Variants in YBX3 observed in about 807,000 individuals in gnomAD.
YBX3 encodes the protein Y-box-binding protein 3.
A neutral mutation model predicts 42.4 loss-of-function variants in YBX3; 29 were observed. The observed-to-expected ratio is 0.68, with a 90% CI of 0.51 to 0.93. The LOEUF is 0.93. Ranked by LOEUF, YBX3 falls within the 40% of genes least tolerant of loss-of-function variation. The pLI is 0.00. For missense variants in YBX3, 517 were observed against 527.5 expected, an observed-to-expected ratio of 0.98 and a Z score of 0.19; for synonymous variants, 195 against 189.8, an observed-to-expected ratio of 1.03 and a Z score of -0.22.
Position 10,701,965 on chromosome 12 carries a change from T to C in YBX3, c.1048A>G (p.Lys350Glu), listed in dbSNP as rs931330932. ...CCCTGACTGGTTGGATTTACCTCTTTGCCATCTTGTGAAGGAGCGTTAGGA... is the reference window on the plus strand; with the variant it reads ...CCCTGACTGGTTGGATTTACCTCTTCGCCATCTTGTGAAGGAGCGTTAGGA... ...RPPNAPSQDG[K>E]EAKAGEAPTE... Residue 350 changes from lysine to glutamate, a missense_variant, in exon 8 of 10, where the codon AAA becomes GAA. Around this residue, in one of 3 missense-constraint regions of YBX3, gnomAD observed 420 missense variants for 408.5 expected, o/e 1.03. Transcript: ENST00000228251. 6.2e-7 allele frequency: 1 copy of C among 1,612,052 alleles called. No individual in the cohort carries two copies. The highest frequency in any genetic ancestry group is 1.3e-5 in the African/African-American group (1 of 74,864).
intron 3 of YBX3, chr12:10,716,089 T>A (rs1234173411): frequency 7.1e-6 from 2 of 283,360 alleles, no homozygotes; most frequent in African/African-American, 4.5e-5. Context: ...CCTGATCATA[T>A]CAGATGTATT....
intron 5 of YBX3, chr12:10,712,154 T>C (rs1034989460): frequency 2.6e-5 from 4 of 152,212 alleles, no homozygotes; most frequent in African/African-American, 7.2e-5. Context: ...AACATAAAGA[T>C]AGGTCATTCT....
chr12:10,702,892 TG>T (rs969205982), intron 7 of YBX3: 2 of 152,304 alleles, frequency 1.3e-5, no homozygotes, highest in African/African-American at 4.8e-5. Context: ...ATTCTGTGGA[TG>T]AGATTTATAA....
chr12:10,714,898 A>T (rs1381391685), intron 4 of YBX3, among the ~76,000 whole-genome samples: 1 of 151,756 alleles, frequency 6.6e-6, no homozygotes, highest in African/African-American at 2.4e-5. Flanking sequence ...GAATTACAGG[A>T]GTGCGACCAC....
intron 6 of YBX3, among the ~76,000 whole-genome samples, chr12:10,705,559 T>C (rs1427541145): frequency 6.6e-6 from 1 of 152,218 alleles, no homozygotes; most frequent in Admixed American, 6.5e-5. Context: ...TCAGGTGGCA[T>C]ATAGTTTCAA....
chr12:10,713,926 T>C (rs1948229398), intron 4 of YBX3, among the ~76,000 whole-genome samples: 3 of 152,226 alleles, frequency 2.0e-5, no homozygotes, highest in South Asian at 2.1e-4. Flanking sequence ...TATTCTCATA[T>C]GGACAAATGG....
At position 10,723,241 on chromosome 12, in the gene YBX3, G is replaced by A. The variant is rs1948357097; in HGVS notation, c.-130C>T. On this transcript the variant is annotated 5_prime_UTR_variant, in exon 1 of 10. Transcript: ENST00000228251. ...GGCGGATCTCGCGGCGCAGGCGGCG[G>A]CGGCCGAGGTGGGGTCGCGCGGCGG... is the stretch of plus-strand genomic sequence containing the variant. 8.6e-7 allele frequency: 1 copy of A among 1,167,576 alleles called. No individual in the cohort carries two copies. Among genetic ancestry groups the A allele is most frequent in the Non-Finnish European group, 1.1e-6 (1 of 946,102 alleles). The allele number at this position is 1,167,576 out of a possible 1,614,324, so 72.3% of individuals were successfully genotyped here. A position where few individuals can be genotyped will look rare whatever the true frequency, so the allele number is the denominator to read the frequency against.
chr12:10,723,292 G>T lies in YBX3; in HGVS notation c.-181C>A. 2.0e-6 allele frequency: 2 copies of T among 1,023,316 alleles called. No individual in the cohort carries two copies. The highest frequency in any genetic ancestry group is 2.5e-6 in the Non-Finnish European group (2 of 816,290). The allele number at this position is 1,023,316 out of a possible 1,614,324, so 63.4% of individuals were successfully genotyped here. ...AGGCGGCTCGAGCTTCGTGCTGCGCGCTCTCTCTTGGGCTCCTCGCTCGAT... is the reference window on the plus strand; with the variant it reads ...AGGCGGCTCGAGCTTCGTGCTGCGCTCTCTCTCTTGGGCTCCTCGCTCGAT... On this transcript the variant is annotated 5_prime_UTR_variant, in exon 1 of 10. Transcript: ENST00000228251.
chr12:10,701,259 G>A lies in YBX3; in HGVS notation c.*29C>T, dbSNP rs138558207. The A allele has an allele frequency of 1.1e-3, 888 of 778,572 alleles. 7 individuals are homozygous for A. In the East Asian group the frequency reaches 0.019, roughly 17 times the overall value. The allele number at this position is 778,572 out of a possible 1,614,324, so 48.2% of individuals were successfully genotyped here. On this transcript the variant is annotated 3_prime_UTR_variant, in exon 9 of 10. Transcript: ENST00000228251. The stretch of plus-strand genomic sequence containing the variant: ...TGGGCTGCCCCAGCTCTTACCTGCC[G>A]ATGGTGAAGGTGCCTGAGGAGCCTG...
At chr12:10,717,046 T>C (rs1948270897) in intron 3 of YBX3, among the ~76,000 whole-genome samples, 1 of 152,170 alleles carries the variant, frequency 6.6e-6, no homozygotes, top group Non-Finnish European at 1.5e-5. Flanking sequence ...CCAAGTATTA[T>C]AAACAACACT....
At position 10,699,405 on chromosome 12, in the gene YBX3, T is replaced by C. The variant is rs1297285427; in HGVS notation, c.*284A>G. The C allele has an allele frequency of 1.3e-5, 2 of 152,716 alleles. No homozygotes were observed. The highest frequency in any genetic ancestry group is 2.1e-4 in the South Asian group (1 of 4,832). 9.5% of individuals were successfully genotyped at this position (152,716 alleles called of 1,614,324 possible). ...AAAACCAGGAAAAAAAATAGAAACC[T>C]AGCGGTTGCTGAAACTGGAGAGGCT... On this transcript the variant is annotated 3_prime_UTR_variant, in exon 10 of 10. Coordinates refer to ENST00000228251, the MANE Select transcript of YBX3 (RefSeq NM_003651.5).
chr12:10,713,232 C>T lies in YBX3; in HGVS notation c.552G>A (p.Arg184=). ...GTACATTCCGGGGAGGGCCACGGCG[C>T]CTTCCATAGTAGCCACGTCTGTAAC... ...RRRYRRGYYG[R]RRGPPRNYAG... Residue 184 remains arginine, a synonymous_variant, in exon 5 of 10, where the codon AGG becomes AGA. Coordinates refer to ENST00000228251, the MANE Select transcript of YBX3 (RefSeq NM_003651.5). 2 of 1,612,802 alleles carry T rather than the reference C, an allele frequency of 1.2e-6. No individual in the cohort carries two copies. The highest frequency in any genetic ancestry group is 1.1e-5 in the South Asian group (1 of 90,750).
intron 1 of YBX3, 72 bp from the exon 2 acceptor site, chr12:10,719,215 G>C (rs1948298093): frequency 2.3e-6 from 3 of 1,291,544 alleles, no homozygotes; most frequent in Non-Finnish European, 3.3e-6. Context: ...CTAAGATCTT[G>C]ATAACATTAG....
intron 1 of YBX3, chr12:10,720,946 T>C (rs758920046): frequency 2.0e-5 from 3 of 152,118 alleles, no homozygotes; most frequent in Admixed American, 6.5e-5. Context: ...AGGGGAAGGG[T>C]TGGGGAGGAA....
In YBX3 at chr12:10,715,793, G is replaced by C. The variant is rs757949717; in HGVS notation, c.361-10C>G. The C allele has an allele frequency of 8.1e-6, 13 of 1,611,610 alleles. No individual in the cohort carries two copies. The Admixed American group carries it at 2.2e-4, about 27-fold the overall frequency. On this transcript the variant is annotated splice_polypyrimidine_tract_variant and intron_variant, in intron 3 of 9. Coordinates refer to ENST00000228251, the MANE Select transcript of YBX3 (RefSeq NM_003651.5). ...TCTTCTTGATGGCAGTCTGGAAAGA[G>C]AACAGAAAATTTTATTCGATGTATA...
chr12:10,703,984 A>G, intron 7 of YBX3, 67 bp downstream of exon 7: 1 of 1,463,756 alleles, frequency 6.8e-7, no homozygotes, highest in Non-Finnish European at 9.6e-7. Flanking sequence ...ACGGAACCAC[A>G]CAGTCCTCAT....
In YBX3 at chr12:10,702,116, T is replaced by C. The variant is rs1401669834; in HGVS notation, c.897A>G (p.Pro299=). 6.2e-7 allele frequency: 1 copy of C among 1,613,912 alleles called. No homozygotes were observed. The highest frequency in any genetic ancestry group is 8.5e-7 in the Non-Finnish European group (1 of 1,179,962). Residue 299 remains proline, a synonymous_variant, in exon 8 of 10, where the codon CCA becomes CCG. Transcript: ENST00000228251. ...PRYRSRGPPR[P]RPAPAVGEAE... ...CCTCTCCAACTGCTGGGGCAGGTCG[T>C]GGGCGAGGAGGTCCCCTGCTGTAGG...
intron 5 of YBX3, chr12:10,712,334 A>T (rs547182779): frequency 6.6e-6 from 1 of 152,306 alleles, no homozygotes; most frequent in Non-Finnish European, 1.5e-5. Flanking sequence ...CCACAAATAT[A>T]CTGGGTCCGT....
At chr12:10,714,363 T>A (rs1948235506) in intron 4 of YBX3, among the ~76,000 whole-genome samples, 3 of 152,224 alleles carry the variant, frequency 2.0e-5, no homozygotes, top group African/African-American at 7.2e-5. Flanking sequence ...CCATGGCAGT[T>A]GTGCTATATG....
Sources: allele counts gnomAD v4.1 joint callset (sites outside exome capture counted in the v4.1 genomes callset), GRCh38; gene constraint gnomAD v4.1.1; regional missense constraint gnomAD v4.1.1; transcripts MANE v1.5; gene names NCBI Gene and HGNC (gene_info 2026-07-23, HGNC 2026-07-21).